The following ST3GAL3 variants were observed in gnomAD, a reference collection of about 807,000 sequenced individuals.
The protein encoded by ST3GAL3 is CMP-N-acetylneuraminate-beta-1,4-galactoside alpha-2,3-sialyltransferase.
In ST3GAL3, 21 loss-of-function variants were observed where a neutral mutation model predicts 50.1. The ratio of observed to expected loss-of-function variants is 0.42; its 90% confidence interval spans 0.30 to 0.60. The LOEUF (loss-of-function observed/expected upper bound fraction) is 0.60. ST3GAL3 is among the 20% of genes least tolerant of loss of function. The pLI is 0.19. For synonymous variants in ST3GAL3, 183 were observed against 190.0 expected (o/e 0.96, Z 0.30); for missense variants, 353 against 489.4 (o/e 0.72, Z 2.63).
At chr1:43,854,687 T>C (rs1383812813) in intron 5 of ST3GAL3, among the ~76,000 whole-genome samples, 3 of 152,230 alleles carry the variant, frequency 2.0e-5, no homozygotes, top group Non-Finnish European at 4.4e-5. Context: ...TCCACTTGGA[T>C]GACTCAAAAG....
At chr1:43,754,778 C>T (rs1438247047) in intron 2 of ST3GAL3, among the ~76,000 whole-genome samples, 1 of 152,026 alleles carries the variant, frequency 6.6e-6, no homozygotes, top group Admixed American at 6.6e-5. Context: ...AGTGAGATCC[C>T]ACCTCTACAC....
chr1:43,849,781 G>A (rs2154211660), intron 5 of ST3GAL3, among the ~76,000 whole-genome samples: 2 of 152,276 alleles, frequency 1.3e-5, no homozygotes, highest in East Asian at 3.9e-4. Context: ...GTGTACACTT[G>A]GCTAATGTAC....
At chr1:43,863,440 G>A (rs1324721108) in intron 5 of ST3GAL3, among the ~76,000 whole-genome samples, 3 of 152,182 alleles carry the variant, frequency 2.0e-5, no homozygotes, top group African/African-American at 7.2e-5. Flanking sequence ...CAGGGTTATA[G>A]ACAAACAGAA....
intron 2 of ST3GAL3, among the ~76,000 whole-genome samples, chr1:43,744,655 A>AAAAT (rs71036638): frequency 0.03 from 4,281 of 140,926 alleles, 91 homozygotes; most frequent in East Asian, 0.053. Context: ...TCCCTCTCAA[A>AAAAT]AAATAAATAA....
intron 11 of ST3GAL3, among the ~76,000 whole-genome samples, chr1:43,924,892 T>C (rs984934863): frequency 6.6e-6 from 1 of 152,222 alleles, no homozygotes; most frequent in Non-Finnish European, 1.5e-5. Context: ...TTTCATTTGC[T>C]TCCACCTGCC....
At chr1:43,870,523 G>A (rs1422052296) in intron 5 of ST3GAL3, among the ~76,000 whole-genome samples, 1 of 152,110 alleles carries the variant, frequency 6.6e-6, no homozygotes, top group Non-Finnish European at 1.5e-5. Flanking sequence ...GACTGGTCTG[G>A]TGTCAGGACA....
chr1:43,808,109 C>T (rs1271179950), intron 3 of ST3GAL3, among the ~76,000 whole-genome samples: 1 of 152,028 alleles, frequency 6.6e-6, no homozygotes, highest in Non-Finnish European at 1.5e-5. Context: ...CGAGACTGGC[C>T]TGGCCAACAT....
chr1:43,727,420 TG>T (rs1040507971), intron 1 of ST3GAL3: 2 of 152,136 alleles, frequency 1.3e-5, no homozygotes, highest in African/African-American at 4.8e-5. Context: ...ATAACATTAA[TG>T]GGGGCATTTC....
At chr1:43,926,671 A>C (rs1175321767) in intron 11 of ST3GAL3, among the ~76,000 whole-genome samples, 2 of 152,102 alleles carry the variant, frequency 1.3e-5, no homozygotes, top group Non-Finnish European at 2.9e-5. Flanking sequence ...ACTCAGAATC[A>C]AGGGCCCTGG....
chr1:43,923,567 T>C (rs754236505), intron 11 of ST3GAL3, among the ~76,000 whole-genome samples: 3 of 152,172 alleles, frequency 2.0e-5, no homozygotes, highest in Non-Finnish European at 2.9e-5. Context: ...TAGACAGCTG[T>C]CTTCTTGCTT....
Position 43,736,373 on chromosome 1 carries a change from G to A in ST3GAL3, c.111G>A (p.Glu37=). 1.9e-6 allele frequency: 3 copies of A among 1,614,140 alleles called. No homozygotes were observed. The highest frequency in any genetic ancestry group is 2.5e-6 in the Non-Finnish European group (3 of 1,180,020). Reference sequence around the variant, plus strand: ...AGCTACACTTACTCCAGTGGGAGGAGGACTCCAGTAAGTATAGTCACTCTA... The same window carrying A: ...AGCTACACTTACTCCAGTGGGAGGAAGACTCCAGTAAGTATAGTCACTCTA... ...AWKLHLLQWE[E]DSNSVVLSFD... The change falls in exon 2 of 12, where the codon GAG becomes GAA. Residue 37 remains glutamate (E), a synonymous_variant. Coordinates refer to ENST00000347631, the MANE Select transcript of ST3GAL3 (RefSeq NM_006279.5).
At chr1:43,743,547 AT>A in intron 2 of ST3GAL3, 1 of 415,516 alleles carries the variant, frequency 2.4e-6, no homozygotes. Context: ...GGGATACACC[AT>A]TTAGTAAACT....
chr1:43,729,245 A>G (rs1674516947), intron 1 of ST3GAL3, among the ~76,000 whole-genome samples: 1 of 151,654 alleles, frequency 6.6e-6, no homozygotes, highest in South Asian at 2.1e-4. Context: ...GTCCACTACC[A>G]CGCCCAGCTA....
At chr1:43,871,381 G>A (rs902117972) in intron 5 of ST3GAL3, among the ~76,000 whole-genome samples, 1 of 152,134 alleles carries the variant, frequency 6.6e-6, no homozygotes, top group Non-Finnish European at 1.5e-5. Flanking sequence ...TGAGCCCATG[G>A]GTGAGGACTG....
chr1:43,792,144 G>A lies in ST3GAL3; in HGVS notation c.161G>A (p.Gly54Asp), dbSNP rs2058157791. The A allele has an allele frequency of 6.2e-7, 1 of 1,614,064 alleles. No homozygotes were observed. Among genetic ancestry groups the A allele is most frequent in the Non-Finnish European group, 8.5e-7 (1 of 1,180,040 alleles). ...LSFDSAGQTL[G>D]SEYDRLGFLL... ...TTTGACTCCGCTGGACAAACACTAGGCTCAGGTACCAACTCTTCCCCCTCT... is the reference window on the plus strand; with the variant it reads ...TTTGACTCCGCTGGACAAACACTAGACTCAGGTACCAACTCTTCCCCCTCT... The change falls in exon 3 of 12, where the codon GGC (glycine) becomes GAC (aspartate). Residue 54 changes from glycine (G) to aspartate (D), a missense_variant. By Grantham distance (94) the Gly-to-Asp change is moderately conservative. Transcript: ENST00000347631.
intron 9 of ST3GAL3, among the ~76,000 whole-genome samples, chr1:43,904,910 C>T (rs1485659043): frequency 5.5e-5 from 8 of 144,584 alleles, no homozygotes; most frequent in Non-Finnish European, 7.6e-5. Flanking sequence ...CCTCCTCCTG[C>T]TCCTCTTCCC....
rs140097922 is a variant in ST3GAL3, at chr1:43,813,307, T to G, written c.167-1584T>G. 7.9e-3 allele frequency among the ~76,000 whole-genome samples: 1,200 copies of G among 152,330 alleles called. 9 individuals are homozygous for G. The highest frequency in any genetic ancestry group is 0.01 in the Non-Finnish European group (686 of 68,030). On this transcript the variant is annotated intron_variant, in intron 3 of 11. Coordinates refer to ENST00000347631, the MANE Select transcript of ST3GAL3 (RefSeq NM_006279.5). ...TTGGCAAGCTGAGGCTTCCTTTTTA[T>G]GGAATGGTAAGATAGGATTGTTGAG...
intron 2 of ST3GAL3, among the ~76,000 whole-genome samples, chr1:43,784,495 C>G (rs771953382): frequency 6.6e-6 from 1 of 151,998 alleles, no homozygotes; most frequent in Admixed American, 6.6e-5. Flanking sequence ...GGTGACAGAG[C>G]GAGACTCTGT....
rs541653172 is a variant in ST3GAL3, at chr1:43,718,973, CCACCA to C, written c.-31+11286_-31+11290del. 4.6e-3 allele frequency: 699 copies of C among 152,350 alleles called. 7 individuals carry two copies. Among genetic ancestry groups the C allele is most frequent in the South Asian group, 0.019 (94 of 4,832 alleles). 9.4% of individuals were successfully genotyped at this position (152,350 alleles called of 1,614,324 possible). ...AAAGTGTTGGGATTACAGGCGTGAG[CCACCA>C]CACCAGGCCTCTTACCTGCTTCTAA... On this transcript the variant is annotated intron_variant, in intron 1 of 11. Transcript: ENST00000347631.
Sources: allele counts gnomAD v4.1 joint callset (sites outside exome capture counted in the v4.1 genomes callset), GRCh38; gene constraint gnomAD v4.1.1; transcripts MANE v1.5; gene names NCBI Gene and HGNC (gene_info 2026-07-23, HGNC 2026-07-21).